Variants in COL11A1 observed in about 807,000 individuals in gnomAD.
COL11A1 encodes collagen alpha-1(XI) chain.
COL11A1 carries 74 observed loss-of-function variants against 265.2 expected under a neutral mutation model. That is an observed-to-expected ratio of 0.28 (90% CI 0.23 to 0.34). The LOEUF (loss-of-function observed/expected upper bound fraction) is 0.34. COL11A1 is among the 10% of genes least tolerant of loss of function. The pLI is 1.00. For synonymous variants in COL11A1, 816 were observed against 727.6 expected (o/e 1.12, Z -1.96); for missense variants, 2,165 against 2,263.6 (o/e 0.96, Z 0.88).
chr1:103,063,081 T>C (rs973885908), intron 4 of COL11A1, among the ~76,000 whole-genome samples: 1 of 151,948 alleles, frequency 6.6e-6, no homozygotes, highest in African/African-American at 2.4e-5. Flanking sequence ...ACTTTAAAAA[T>C]AAAAATATTC....
chr1:102,898,626 G>C (rs750803571), intron 56 of COL11A1, 40 bp downstream of exon 56: 4 of 1,537,220 alleles, frequency 2.6e-6, no homozygotes, highest in Non-Finnish European at 3.6e-6. Flanking sequence ...AAATAAAAAT[G>C]TTATTTTCAA....
intron 35 of COL11A1, among the ~76,000 whole-genome samples, chr1:102,977,252 T>G (rs1285583317): frequency 1.3e-5 from 2 of 152,100 alleles, no homozygotes; most frequent in Non-Finnish European, 2.9e-5. Context: ...TGGCAGAAAA[T>G]GAAGGCATAC....
intron 14 of COL11A1, among the ~76,000 whole-genome samples, chr1:103,008,954 A>AT (rs922036903): frequency 7.2e-5 from 11 of 152,258 alleles, no homozygotes; most frequent in East Asian, 1.9e-4. Context: ...TTATATTCAG[A>AT]TTTTTTTAGA....
intron 4 of COL11A1, among the ~76,000 whole-genome samples, chr1:103,065,295 A>C (rs957069316): frequency 1.1e-3 from 165 of 152,066 alleles, no homozygotes; most frequent in Non-Finnish European, 6.2e-4. Context: ...CCGAGGCGGG[A>C]GGATCACGAG....
intron 4 of COL11A1, among the ~76,000 whole-genome samples, chr1:103,035,803 A>T (rs998497853): frequency 8.0e-5 from 12 of 150,586 alleles, no homozygotes; most frequent in Non-Finnish European, 1.5e-4. Flanking sequence ...ATAACTGATA[A>T]TAAAATTAGT....
At chr1:103,088,341 C>A (rs1030967333) in intron 1 of COL11A1, among the ~76,000 whole-genome samples, 2 of 136,032 alleles carry the variant, frequency 1.5e-5, no homozygotes, top group African/African-American at 5.7e-5. Flanking sequence ...ATATTTACTT[C>A]AAAGAGTTTT....
chr1:102,898,092 C>T, intron 57 of COL11A1, 33 bp downstream of exon 57: 1 of 1,470,182 alleles, frequency 6.8e-7, no homozygotes, highest in Non-Finnish European at 9.3e-7. Context: ...TAGAAATTCT[C>T]ACTTTTTAAA....
At chr1:103,104,369 A>G (rs999603134) in intron 1 of COL11A1, among the ~76,000 whole-genome samples, 7 of 152,114 alleles carry the variant, frequency 4.6e-5, no homozygotes, top group Non-Finnish European at 1.0e-4. Context: ...GCTTTGCTGT[A>G]TTTTAAGGAT....
At chr1:102,946,183 G>T (rs987297715) in intron 42 of COL11A1, among the ~76,000 whole-genome samples, 8 of 114,416 alleles carry the variant, frequency 7.0e-5, no homozygotes, top group African/African-American at 2.3e-4. Flanking sequence ...GTTGTGGGGT[G>T]GGGGGAGGGG....
chr1:102,940,104 TTTAA>T (rs1225438574), intron 43 of COL11A1, among the ~76,000 whole-genome samples: 4 of 152,224 alleles, frequency 2.6e-5, no homozygotes, highest in African/African-American at 9.6e-5. Context: ...CCACTGTTCT[TTTAA>T]TTGAGTTTTC....
Position 103,012,785 on chromosome 1 carries a change from A to G in COL11A1, c.1573-316T>C, listed in dbSNP as rs557744608. Among the ~76,000 whole-genome samples the G allele has an allele frequency of 2.2e-4, 34 of 152,310 alleles. No individual in the cohort carries two copies. In the South Asian group the frequency reaches 6.4e-3, roughly 29 times the overall value. On this transcript the variant is annotated intron_variant, in intron 13 of 66. Coordinates refer to ENST00000370096, the MANE Select transcript of COL11A1 (RefSeq NM_001854.4). ...ATAATTTACTATTCTGAATTTACTC[A>G]AGAATAATGCATAGCCTTTTTCTCT...
chr1:103,088,086 G>T (rs748613186), intron 1 of COL11A1, among the ~76,000 whole-genome samples: 1 of 152,040 alleles, frequency 6.6e-6, no homozygotes, highest in Admixed American at 6.5e-5. Flanking sequence ...CTCCCTTGTT[G>T]CCTTCACCAT....
chr1:102,915,519 G>A, intron 50 of COL11A1, 112 bp downstream of exon 50: 1 of 892,142 alleles, frequency 1.1e-6, no homozygotes, highest in Non-Finnish European at 1.9e-6. Flanking sequence ...TAATGAGTTG[G>A]GAAGGGAAAG....
At chr1:103,084,696 T>C (rs2102334999) in intron 1 of COL11A1, among the ~76,000 whole-genome samples, 1 of 152,206 alleles carries the variant, frequency 6.6e-6, no homozygotes, top group Non-Finnish European at 1.5e-5. Context: ...ACATGAATAA[T>C]GCAGTTCAAG....
chr1:102,934,693 C>T (rs1657960666), intron 45 of COL11A1, 137 bp from the exon 46 acceptor site: 7 of 719,638 alleles, frequency 9.7e-6, no homozygotes, highest in South Asian at 6.6e-5. Flanking sequence ...ACTGAATGCC[C>T]ATTATCTGCT....
At chr1:103,028,821 C>T (rs911833698) in intron 5 of COL11A1, among the ~76,000 whole-genome samples, 1 of 152,016 alleles carries the variant, frequency 6.6e-6, no homozygotes. Context: ...AAGATTGTCA[C>T]TTCATTTTCT....
At chr1:103,059,143 T>C (rs913124077) in intron 4 of COL11A1, among the ~76,000 whole-genome samples, 2 of 152,138 alleles carry the variant, frequency 1.3e-5, no homozygotes, top group African/African-American at 4.8e-5. Flanking sequence ...TATAACAATG[T>C]ATGTTGTGCC....
At chr1:103,038,102 G>A (rs1171169024) in intron 4 of COL11A1, among the ~76,000 whole-genome samples, 1 of 141,976 alleles carries the variant, frequency 7.0e-6, no homozygotes, top group Admixed American at 7.1e-5. Flanking sequence ...GGGGATGGAG[G>A]TAAAATAGCA....
chr1:102,951,079 A>C (rs561425431), intron 41 of COL11A1, among the ~76,000 whole-genome samples: 1 of 152,144 alleles, frequency 6.6e-6, no homozygotes, highest in Non-Finnish European at 1.5e-5. Flanking sequence ...TCTTTCCTTT[A>C]TAAATTATCT....
Sources: gnomAD v4.1 joint callset for allele counts (sites outside exome capture counted in the v4.1 genomes callset) on GRCh38, gnomAD v4.1.1 for gene constraint, MANE v1.5 for transcripts, NCBI Gene and HGNC (gene_info 2026-07-23, HGNC 2026-07-21) for gene names.